GPC6: variants seen among roughly 807,000 people sequenced by gnomAD.
GPC6 encodes glypican 6, also known as glypican-6.
GPC6 carries 14 observed loss-of-function variants against 55.2 expected under a neutral mutation model. The ratio of observed to expected loss-of-function variants is 0.25; its 90% confidence interval spans 0.17 to 0.40. The LOEUF is 0.40. GPC6 is among the 10% of genes least tolerant of loss of function. GPC6 has a pLI of 1.00. For synonymous variants in GPC6, 278 were observed against 259.6 expected (o/e 1.07, Z -0.68); for missense variants, 641 against 708.5 (o/e 0.90, Z 1.08).
intron 4 of GPC6, among the ~76,000 whole-genome samples, chr13:94,051,823 A>G (rs1223512184): frequency 6.6e-6 from 1 of 152,178 alleles, no homozygotes; most frequent in Admixed American, 6.5e-5. Flanking sequence ...TACAAACTGC[A>G]GAAACACCTT....
At chr13:93,849,920 G>T (rs886405384) in intron 3 of GPC6, among the ~76,000 whole-genome samples, 10 of 150,940 alleles carry the variant, frequency 6.6e-5, no homozygotes, top group Non-Finnish European at 1.5e-4. Flanking sequence ...AATAAAGGGA[G>T]AAGCAACTAA....
intron 3 of GPC6, among the ~76,000 whole-genome samples, chr13:93,951,268 C>T (rs987757054): frequency 6.6e-6 from 1 of 152,092 alleles, no homozygotes; most frequent in Non-Finnish European, 1.5e-5. Flanking sequence ...TTGCCCAGAT[C>T]AGTTTAATCT....
chr13:94,072,124 T>C (rs1884754556), intron 4 of GPC6, among the ~76,000 whole-genome samples: 1 of 152,152 alleles, frequency 6.6e-6, no homozygotes, highest in African/African-American at 2.4e-5. Context: ...ACCTAAAAAC[T>C]GAGGAGTCAC....
chr13:94,382,692 G>A, intron 7 of GPC6, 142 bp downstream of exon 7: 1 of 1,109,968 alleles, frequency 9.0e-7, no homozygotes, highest in Non-Finnish European at 1.3e-6. Context: ...AACAGCTGTT[G>A]AGAGTGACAG....
intron 3 of GPC6, among the ~76,000 whole-genome samples, chr13:93,902,749 T>G (rs758063142): frequency 2.6e-4 from 39 of 152,222 alleles, no homozygotes; most frequent in Non-Finnish European, 5.1e-4. Flanking sequence ...AACAGGTGTT[T>G]CATTGTGGTT....
At chr13:94,262,752 T>G (rs927218187) in intron 4 of GPC6, among the ~76,000 whole-genome samples, 4 of 152,158 alleles carry the variant, frequency 2.6e-5, no homozygotes, top group African/African-American at 9.7e-5. Flanking sequence ...AAAGGCTACT[T>G]TTTAATGAGC....
At chr13:94,372,746 C>T (rs1879628877) in intron 6 of GPC6, among the ~76,000 whole-genome samples, 1 of 152,210 alleles carries the variant, frequency 6.6e-6, no homozygotes, top group African/African-American at 2.4e-5. Context: ...TCTGTAGGCT[C>T]CACCTCTGGG....
intron 3 of GPC6, among the ~76,000 whole-genome samples, chr13:93,944,621 A>G (rs1269096265): frequency 1.3e-5 from 2 of 152,158 alleles, no homozygotes; most frequent in Non-Finnish European, 2.9e-5. Flanking sequence ...TCCCAATCAC[A>G]TGTGTACTCC....
At chr13:94,211,516 C>T (rs1890079308) in intron 4 of GPC6, among the ~76,000 whole-genome samples, 1 of 152,166 alleles carries the variant, frequency 6.6e-6, no homozygotes, top group South Asian at 2.1e-4. Context: ...TATATATTTA[C>T]ATTTGGAGTG....
rs1882995942 is a variant in GPC6, at chr13:93,709,943, C to G, written c.320-120211C>G. Among the ~76,000 whole-genome samples, 3 of 151,676 alleles carry G rather than the reference C, an allele frequency of 2.0e-5. 1 individual carries two copies. In the South Asian group the frequency reaches 6.2e-4, roughly 31 times the overall value. On this transcript the variant is annotated intron_variant, in intron 2 of 8. Coordinates refer to ENST00000377047, the MANE Select transcript of GPC6 (RefSeq NM_005708.5). ...ATAACAGTTCAGGACTAGGAACAAA[C>G]ATAATTAAAAGCACATTCAGAAAGG...
intron 3 of GPC6, among the ~76,000 whole-genome samples, chr13:94,000,599 A>G (rs1485298920): frequency 6.6e-6 from 1 of 152,186 alleles, no homozygotes; most frequent in Non-Finnish European, 1.5e-5. Flanking sequence ...GGGCTTAGAG[A>G]TGACAGAAAG....
At chr13:93,787,822 C>T (rs1885862017) in intron 2 of GPC6, among the ~76,000 whole-genome samples, 1 of 152,062 alleles carries the variant, frequency 6.6e-6, no homozygotes, top group Non-Finnish European at 1.5e-5. Flanking sequence ...TCTTTTATCC[C>T]CTCACTATCT....
intron 2 of GPC6, among the ~76,000 whole-genome samples, chr13:93,802,595 G>A (rs1192694823): frequency 6.6e-6 from 1 of 151,874 alleles, no homozygotes; most frequent in Non-Finnish European, 1.5e-5. Flanking sequence ...GTAGAGACAG[G>A]GGTCTCACTA....
intron 1 of GPC6, among the ~76,000 whole-genome samples, chr13:93,368,276 C>T (rs1172084585): frequency 2.0e-5 from 3 of 149,066 alleles, no homozygotes; most frequent in African/African-American, 2.5e-5. Context: ...TTCCTCCCTC[C>T]CTCCTTCCCT....
intron 4 of GPC6, among the ~76,000 whole-genome samples, chr13:94,271,647 T>G (rs1387754018): frequency 6.6e-6 from 1 of 152,116 alleles, no homozygotes. Flanking sequence ...CTAATCTCAG[T>G]GCCCTAAAGT....
At chr13:93,640,772 T>TTCC (rs1359253229) in intron 2 of GPC6, among the ~76,000 whole-genome samples, 5 of 14,626 alleles carry the variant, frequency 3.4e-4, no homozygotes, top group African/African-American at 1.3e-3. Flanking sequence ...TCCTCCCCAC[T>TTCC]TTCCTTCCCT....
intron 3 of GPC6, among the ~76,000 whole-genome samples, chr13:93,957,827 T>A (rs1879574375): frequency 6.6e-6 from 1 of 152,212 alleles, no homozygotes; most frequent in African/African-American, 2.4e-5. Flanking sequence ...TGAACTAATT[T>A]ACATTCCCAG....
In GPC6 at chr13:94,013,556, G is replaced by A. The variant is rs573568479; in HGVS notation, c.712-14173G>A. On this transcript the variant is annotated intron_variant, in intron 3 of 8. Transcript: ENST00000377047. ...GTGGAGACGGGGTTTCTCCATGTTG[G>A]TCAGGCTGGTCTCGAATGCCTGACC... Among the ~76,000 whole-genome samples the A allele has an allele frequency of 4.1e-4, 62 of 152,190 alleles. 1 individual carries two copies. The highest frequency in any genetic ancestry group is 6.8e-3 in the Middle Eastern group (2 of 294).
chr13:93,256,105 G>T (rs1489658570), intron 1 of GPC6, among the ~76,000 whole-genome samples: 1 of 149,536 alleles, frequency 6.7e-6, no homozygotes, highest in East Asian at 2.0e-4. Flanking sequence ...AGGAGGCAGA[G>T]AGTGTAGTGA....
Sources: allele counts gnomAD v4.1 joint callset (sites outside exome capture counted in the v4.1 genomes callset), GRCh38; gene constraint gnomAD v4.1.1; transcripts MANE v1.5; gene names NCBI Gene and HGNC (gene_info 2026-07-23, HGNC 2026-07-21).